DIAPH3: variants seen among roughly 807,000 people sequenced by gnomAD.
The protein encoded by DIAPH3 is protein diaphanous homolog 3.
Under a neutral mutation model 144.3 loss-of-function variants are expected in DIAPH3, and 117 were observed. That is an observed-to-expected ratio of 0.81 (90% confidence interval 0.70 to 0.95). The LOEUF (loss-of-function observed/expected upper bound fraction) is 0.95, where lower values mean the gene tolerates loss of function less well. Among genes scored for constraint, DIAPH3 ranks in the 40% least tolerant of loss-of-function variants. The pLI, the probability that DIAPH3 is intolerant of heterozygous loss-of-function variation, is 0.00. For missense variants in DIAPH3, 1,421 were observed against 1,412.7 expected, an observed-to-expected ratio of 1.01 and a Z score of -0.09; for synonymous variants, 519 against 488.9, an observed-to-expected ratio of 1.06 and a Z score of -0.81.
intron 25 of DIAPH3, among the ~76,000 whole-genome samples, chr13:59,780,236 G>A (rs1330233937): frequency 6.6e-6 from 1 of 152,158 alleles, no homozygotes; most frequent in Non-Finnish European, 1.5e-5. Flanking sequence ...TACTGGAGAT[G>A]TACAGCTTCC....
chr13:60,083,562 A>G (rs538239262), intron 4 of DIAPH3, among the ~76,000 whole-genome samples: 1 of 152,202 alleles, frequency 6.6e-6, no homozygotes, highest in Admixed American at 6.6e-5. Context: ...CTTTACCACA[A>G]ATACACACAT....
intron 4 of DIAPH3, among the ~76,000 whole-genome samples, chr13:60,074,557 C>G (rs2057314802): frequency 6.6e-6 from 1 of 152,160 alleles, no homozygotes; most frequent in Non-Finnish European, 1.5e-5. Context: ...CCCATAATCT[C>G]ACTACTCTTT....
At chr13:59,718,693 T>C (rs937014805) in intron 27 of DIAPH3, among the ~76,000 whole-genome samples, 3 of 152,184 alleles carry the variant, frequency 2.0e-5, no homozygotes, top group African/African-American at 7.2e-5. Context: ...ACATTTTCAA[T>C]AGTGGAATGT....
chr13:60,101,801 G>T (rs1387106494), intron 3 of DIAPH3, among the ~76,000 whole-genome samples: 2 of 151,950 alleles, frequency 1.3e-5, no homozygotes, highest in African/African-American at 2.4e-5. Context: ...CTTCCATCTT[G>T]CCACTTCTCC....
intron 27 of DIAPH3, among the ~76,000 whole-genome samples, chr13:59,716,149 G>A (rs545544688): frequency 6.6e-6 from 1 of 151,284 alleles, no homozygotes; most frequent in East Asian, 2.0e-4. Context: ...ACATTTACAG[G>A]AATAATGCTG....
At chr13:59,855,874 T>C (rs2139888551) in intron 22 of DIAPH3, among the ~76,000 whole-genome samples, 2 of 151,176 alleles carry the variant, frequency 1.3e-5, no homozygotes, top group Middle Eastern at 6.8e-3. Context: ...CAGGGAGAAA[T>C]GGAAAAGAAA....
intron 22 of DIAPH3, among the ~76,000 whole-genome samples, chr13:59,851,262 C>A (rs1012886711): frequency 6.6e-6 from 1 of 152,180 alleles, no homozygotes; most frequent in African/African-American, 2.4e-5. Flanking sequence ...TATGCTCCCC[C>A]TCTCTCCCTC....
At chr13:60,105,455 C>G (rs192879407) in intron 3 of DIAPH3, among the ~76,000 whole-genome samples, 1 of 152,286 alleles carries the variant, frequency 6.6e-6, no homozygotes, top group African/African-American at 2.4e-5. Flanking sequence ...ACACCTAAAT[C>G]ATTTATTTTC....
At chr13:60,108,337 G>T (rs537944457) in intron 3 of DIAPH3, among the ~76,000 whole-genome samples, 1 of 152,216 alleles carries the variant, frequency 6.6e-6, no homozygotes, top group East Asian at 1.9e-4. Flanking sequence ...GGCCAGGCAC[G>T]GTGGCTCACA....
In DIAPH3 at chr13:59,898,150, A is replaced by G. The variant is rs558321951; in HGVS notation, c.2367+13585T>C. The stretch of plus-strand genomic sequence containing the variant: ...ACTCTGCCTCAAAAAAAAAAAAAAA[A>G]AAAAAAGAAAAAGAAAAAAGAAAAA... On this transcript the variant is annotated intron_variant, in intron 20 of 27. Coordinates refer to ENST00000400324, the MANE Select transcript of DIAPH3 (RefSeq NM_001042517.2). Among the ~76,000 whole-genome samples, 8 of 150,744 alleles carry G rather than the reference A, an allele frequency of 5.3e-5. No individual in the cohort carries two copies. The South Asian group carries it at 6.4e-4, about 12-fold the overall frequency.
At position 60,013,044 on chromosome 13, in the gene DIAPH3, C is replaced by T. The variant is rs887414727; in HGVS notation, c.772-2375G>A. ...TTGACTCTGTGTGAGAAGTTGTCAA[C>T]TTACCAGTGCTCGGATTAAAGTGCA... On this transcript the variant is annotated intron_variant, in intron 7 of 27. Coordinates refer to ENST00000400324, the MANE Select transcript of DIAPH3 (RefSeq NM_001042517.2). 2.1e-5 allele frequency: 21 copies of T among 985,308 alleles called. 1 individual carries two copies. In the African/African-American group the frequency reaches 3.5e-4, roughly 16 times the overall value. 61.0% of individuals were successfully genotyped at this position (985,308 alleles called of 1,614,324 possible).
chr13:59,876,583 CAA>C (rs2044644714), intron 21 of DIAPH3, among the ~76,000 whole-genome samples: 1 of 152,142 alleles, frequency 6.6e-6, no homozygotes, highest in Non-Finnish European at 1.5e-5. Context: ...TGTCTTATGA[CAA>C]GTTTCATTCA....
intron 24 of DIAPH3, among the ~76,000 whole-genome samples, chr13:59,821,364 C>T (rs1203534206): frequency 6.6e-6 from 1 of 152,024 alleles, no homozygotes; most frequent in African/African-American, 2.4e-5. Context: ...TACTTAATTA[C>T]TACTTTCTAG....
At chr13:60,160,474 T>A (rs1346534161) in intron 1 of DIAPH3, among the ~76,000 whole-genome samples, 1 of 152,164 alleles carries the variant, frequency 6.6e-6, no homozygotes, top group Non-Finnish European at 1.5e-5. Flanking sequence ...AAGCCACATG[T>A]CCTGCTCTGC....
At chr13:60,095,831 T>A (rs1281360069) in intron 3 of DIAPH3, among the ~76,000 whole-genome samples, 1 of 152,218 alleles carries the variant, frequency 6.6e-6, no homozygotes, top group African/African-American at 2.4e-5. Flanking sequence ...CTGCTTTTTT[T>A]AAGCTTTACC....
intron 25 of DIAPH3, among the ~76,000 whole-genome samples, chr13:59,798,759 G>A (rs1390950375): frequency 2.0e-5 from 3 of 152,166 alleles, no homozygotes; most frequent in Non-Finnish European, 4.4e-5. Context: ...CCCATCTGGT[G>A]GAAGAGAAAT....
At chr13:59,926,633 T>TA (rs1412634907) in intron 17 of DIAPH3, among the ~76,000 whole-genome samples, 1 of 152,220 alleles carries the variant, frequency 6.6e-6, no homozygotes, top group Non-Finnish European at 1.5e-5. Flanking sequence ...ATATTATTTG[T>TA]AAAGTTCCCA....
chr13:59,824,440 T>C (rs906345383), intron 24 of DIAPH3, among the ~76,000 whole-genome samples: 1 of 152,150 alleles, frequency 6.6e-6, no homozygotes, highest in African/African-American at 2.4e-5. Flanking sequence ...AACTTGCATC[T>C]CAACTACTGC....
At chr13:60,034,530 T>A (rs1190823029) in intron 5 of DIAPH3, 1 of 152,224 alleles carries the variant, frequency 6.6e-6, no homozygotes, top group African/African-American at 2.4e-5. Context: ...ACAATCCCAC[T>A]ACTGTTCAGC....
Sources: gnomAD v4.1 joint callset for allele counts (sites outside exome capture counted in the v4.1 genomes callset) on GRCh38, gnomAD v4.1.1 for gene constraint, MANE v1.5 for transcripts, NCBI Gene and HGNC (gene_info 2026-07-23, HGNC 2026-07-21) for gene names.